LINGO2: variants seen among roughly 807,000 people sequenced by gnomAD.
The protein encoded by LINGO2 is leucine rich repeat and Ig domain containing 2.
In LINGO2, 14 loss-of-function variants were observed where a neutral mutation model predicts 30.6. The observed-to-expected ratio is 0.46, with a 90% confidence interval of 0.30 to 0.72. LINGO2 has a LOEUF of 0.72. LINGO2 is among the 30% of genes least tolerant of loss of function. The pLI is 0.07. For synonymous variants in LINGO2, 317 were observed against 288.5 expected, an observed-to-expected ratio of 1.10 and a Z score of -1.00; for missense variants, 729 against 751.7, an observed-to-expected ratio of 0.97 and a Z score of 0.35.
the LINGO2 span, among the ~76,000 whole-genome samples, chr9:28,977,493 A>G: frequency 1.3e-5 from 2 of 152,002 alleles, no homozygotes; most frequent in African/African-American, 4.8e-5. Flanking sequence ...TTTTTCTTTA[A>G]TTTTATAATA....
At chr9:28,475,705 C>G (rs1021824113) in intron 2 of LINGO2, among the ~76,000 whole-genome samples, 2 of 152,100 alleles carry the variant, frequency 1.3e-5, no homozygotes, top group Admixed American at 6.5e-5. Context: ...ATTCAAACAA[C>G]GTCAGCAACT....
the LINGO2 span, among the ~76,000 whole-genome samples, chr9:29,033,608 T>C: frequency 6.6e-6 from 1 of 151,800 alleles, no homozygotes; most frequent in East Asian, 1.9e-4. Context: ...GATTAAGTCT[T>C]CAAATCCATT....
At chr9:27,992,042 T>A (rs10968257) in intron 5 of LINGO2, among the ~76,000 whole-genome samples, 7 of 151,994 alleles carry the variant, frequency 4.6e-5, no homozygotes, top group African/African-American at 1.7e-4. Context: ...ACTCTGGGTA[T>A]TCGGACGCAT....
chr9:28,473,146 G>C (rs190070540), intron 2 of LINGO2, among the ~76,000 whole-genome samples: 34 of 151,624 alleles, frequency 2.2e-4, no homozygotes, highest in Middle Eastern at 3.4e-3. Flanking sequence ...TGAAGTGTAG[G>C]GTTTTCTAAC....
the LINGO2 span, among the ~76,000 whole-genome samples, chr9:28,918,663 A>C: frequency 6.6e-6 from 1 of 152,334 alleles, no homozygotes; most frequent in East Asian, 1.9e-4. Flanking sequence ...TGGAAACATC[A>C]GTGTCAATAC....
At chr9:28,062,118 GAA>G (rs1020936208) in intron 4 of LINGO2, among the ~76,000 whole-genome samples, 2 of 151,914 alleles carry the variant, frequency 1.3e-5, no homozygotes, top group African/African-American at 2.4e-5. Flanking sequence ...GAAACAGACA[GAA>G]AAAAGAATCC....
the LINGO2 span, among the ~76,000 whole-genome samples, chr9:28,924,873 G>A: frequency 6.6e-6 from 1 of 152,084 alleles, no homozygotes; most frequent in Non-Finnish European, 1.5e-5. Flanking sequence ...TCTTTTTATA[G>A]TTCTTGACTG....
intron 4 of LINGO2, among the ~76,000 whole-genome samples, chr9:28,043,767 C>T (rs1372618234): frequency 6.6e-6 from 1 of 152,180 alleles, no homozygotes; most frequent in Non-Finnish European, 1.5e-5. Context: ...ACAATCCTGG[C>T]ATGACTAATT....
chr9:28,439,321 T>C (rs1297075972), intron 2 of LINGO2, among the ~76,000 whole-genome samples: 2 of 151,876 alleles, frequency 1.3e-5, no homozygotes, highest in Non-Finnish European at 2.9e-5. Flanking sequence ...AAATGCCCAG[T>C]AAGCAAGGAT....
chr9:28,951,660 C>CA, the LINGO2 span, among the ~76,000 whole-genome samples: 1 of 152,076 alleles, frequency 6.6e-6, no homozygotes, highest in Non-Finnish European at 1.5e-5. Flanking sequence ...TGCATAGCAA[C>CA]ACTTCTGAGA....
At chr9:29,163,231 A>C in the LINGO2 span, among the ~76,000 whole-genome samples, 1 of 152,160 alleles carries the variant, frequency 6.6e-6, no homozygotes, top group East Asian at 1.9e-4. Context: ...ATCAAACTGA[A>C]ATCAATACTG....
At chr9:28,119,325 C>A (rs934363752) in intron 4 of LINGO2, among the ~76,000 whole-genome samples, 1 of 152,114 alleles carries the variant, frequency 6.6e-6, no homozygotes, top group African/African-American at 2.4e-5. Context: ...TGGGGTTTCA[C>A]CACGTTCTCC....
At chr9:28,472,726 C>T (rs1209869406) in intron 2 of LINGO2, among the ~76,000 whole-genome samples, 3 of 151,854 alleles carry the variant, frequency 2.0e-5, no homozygotes, top group Non-Finnish European at 4.4e-5. Flanking sequence ...GTTTTCCATA[C>T]TGGTCATATG....
the LINGO2 span, among the ~76,000 whole-genome samples, chr9:29,130,689 T>C: frequency 6.6e-6 from 1 of 152,138 alleles, no homozygotes; most frequent in Non-Finnish European, 1.5e-5. Context: ...TTTCAAAATT[T>C]TGTAACTCAA....
chr9:28,263,053 GT>G (rs1822621191), intron 4 of LINGO2, among the ~76,000 whole-genome samples: 1 of 151,926 alleles, frequency 6.6e-6, no homozygotes, highest in Non-Finnish European at 1.5e-5. Context: ...AAATTAAGGT[GT>G]TGGCTAGAGG....
the LINGO2 span, among the ~76,000 whole-genome samples, chr9:29,147,780 A>T: frequency 6.6e-6 from 1 of 152,102 alleles, no homozygotes; most frequent in East Asian, 1.9e-4. Context: ...TACTTGGTTT[A>T]TAACTGAACA....
At chr9:28,044,531 C>T (rs1353937153) in intron 4 of LINGO2, among the ~76,000 whole-genome samples, 1 of 152,090 alleles carries the variant, frequency 6.6e-6, no homozygotes, top group African/African-American at 2.4e-5. Flanking sequence ...ATTTTAAAGT[C>T]CCTCCTTTCT....
chr9:28,665,757 A>T (rs1828775716), intron 1 of LINGO2, among the ~76,000 whole-genome samples: 1 of 152,146 alleles, frequency 6.6e-6, no homozygotes, highest in Non-Finnish European at 1.5e-5. Context: ...AGATGAATGA[A>T]AATGATTCAT....
intron 2 of LINGO2, among the ~76,000 whole-genome samples, chr9:28,384,833 A>C (rs1821512084): frequency 7.8e-6 from 1 of 128,390 alleles, no homozygotes; most frequent in Non-Finnish European, 1.8e-5. Context: ...TGATAAAAAA[A>C]AAAAATGTCT....
Sources: allele counts gnomAD v4.1 joint callset (sites outside exome capture counted in the v4.1 genomes callset), GRCh38; gene constraint gnomAD v4.1.1; transcripts MANE v1.5; gene names NCBI Gene and HGNC (gene_info 2026-07-23, HGNC 2026-07-21).